Variants in CAST observed in about 807,000 individuals in gnomAD.
The protein encoded by CAST is calpastatin.
Under a neutral mutation model 119.6 loss-of-function variants are expected in CAST, and 76 were observed. The ratio of observed to expected loss-of-function variants is 0.64; its 90% CI spans 0.53 to 0.77. The LOEUF is 0.77. Among genes scored for constraint, CAST ranks in the 30% least tolerant of loss-of-function variants. CAST has a pLI of 0.00. For missense variants in CAST, 953 were observed against 946.5 expected, an observed-to-expected ratio of 1.01 and a Z score of -0.09; for synonymous variants, 319 against 331.6, an observed-to-expected ratio of 0.96 and a Z score of 0.41.
At chr5:96,647,940 A>C (rs1748039374) in intron 1 of CAST, among the ~76,000 whole-genome samples, 1 of 152,238 alleles carries the variant, frequency 6.6e-6, no homozygotes, top group South Asian at 2.1e-4. Flanking sequence ...AAAAGACTCC[A>C]GTTCAAAATG....
the CAST span, among the ~76,000 whole-genome samples, chr5:96,019,754 A>G: frequency 6.6e-6 from 1 of 152,180 alleles, no homozygotes; most frequent in Non-Finnish European, 1.5e-5. Context: ...TTTCTATATA[A>G]TAAGCTTTTG....
the CAST span, among the ~76,000 whole-genome samples, chr5:96,293,554 G>T: frequency 6.6e-6 from 1 of 151,972 alleles, no homozygotes; most frequent in Non-Finnish European, 1.5e-5. Context: ...GGGATTACAG[G>T]CATGAGCCAC....
the CAST span, among the ~76,000 whole-genome samples, chr5:96,493,034 C>T: frequency 6.6e-6 from 1 of 152,144 alleles, no homozygotes; most frequent in Admixed American, 6.5e-5. Context: ...AAGGTCAATA[C>T]AGTAAAGCTA....
At position 96,695,883 on chromosome 5, in the gene CAST, T is replaced by C; in HGVS notation, c.186T>C (p.Ala62=). 6.2e-7 allele frequency: 1 copy of C among 1,613,298 alleles called. No individual in the cohort carries two copies. Among genetic ancestry groups the C allele is most frequent in the Non-Finnish European group, 8.5e-7 (1 of 1,179,478 alleles). The change falls in exon 3 of 32, where the codon GCT becomes GCC. Residue 62 remains alanine (A), a synonymous_variant. Coordinates refer to ENST00000675179, the MANE Select transcript of CAST (RefSeq NM_001750.7). ...LGSSQSSRTY[A]GGTASATKVS... is the part of the protein sequence containing the mutation. The stretch of plus-strand genomic sequence containing the variant: ...GCAGTCAATCCTCCAGAACCTATGC[T>C]GGTGGAACAGCCTCGGCCACCAAGG...
At chr5:96,738,021 A>C (rs1226488182) in intron 11 of CAST, 74 bp downstream of exon 11, 1 of 847,762 alleles carries the variant, frequency 1.2e-6, no homozygotes, top group Non-Finnish European at 2.0e-6. Flanking sequence ...GTCATGAAGT[A>C]CAAAAGAATA....
At chr5:96,738,612 A>G (rs902604841) in intron 11 of CAST, among the ~76,000 whole-genome samples, 1 of 151,906 alleles carries the variant, frequency 6.6e-6, no homozygotes, top group Admixed American at 6.6e-5. Context: ...CCTAATTCCT[A>G]AAATTATATT....
At chr5:96,726,019 A>C (rs1759181185) in intron 4 of CAST, among the ~76,000 whole-genome samples, 1 of 152,226 alleles carries the variant, frequency 6.6e-6, no homozygotes, top group Non-Finnish European at 1.5e-5. Flanking sequence ...AAGACATGAT[A>C]AATTAAGAGG....
the CAST span, among the ~76,000 whole-genome samples, chr5:96,516,959 A>G: frequency 6.6e-6 from 1 of 152,122 alleles, no homozygotes; most frequent in Non-Finnish European, 1.5e-5. Context: ...GTATCAGCCG[A>G]CTGTTTCCAG....
chr5:96,417,121 A>G, the CAST span, among the ~76,000 whole-genome samples: 6 of 152,306 alleles, frequency 3.9e-5, no homozygotes, highest in East Asian at 7.7e-4. Context: ...GGCCAGTTAC[A>G]TTTCAATTCT....
the CAST span, among the ~76,000 whole-genome samples, chr5:96,487,096 A>C: frequency 6.6e-6 from 1 of 152,212 alleles, no homozygotes; most frequent in East Asian, 1.9e-4. Flanking sequence ...ATTGGAGAGC[A>C]TCACTGTAAT....
At chr5:96,015,543 C>G in the CAST span, among the ~76,000 whole-genome samples, 1 of 152,014 alleles carries the variant, frequency 6.6e-6, no homozygotes, top group Non-Finnish European at 1.5e-5. Flanking sequence ...ATACTCCTAT[C>G]ACTCCTGTTT....
the CAST span, among the ~76,000 whole-genome samples, chr5:96,293,584 C>A: frequency 6.7e-6 from 1 of 149,622 alleles, no homozygotes; most frequent in Admixed American, 6.7e-5. Flanking sequence ...CCTCTAGATT[C>A]TTTTGTGTTG....
chr5:96,701,077 A>C (rs1156595090), intron 3 of CAST, among the ~76,000 whole-genome samples: 4 of 152,024 alleles, frequency 2.6e-5, no homozygotes, highest in Non-Finnish European at 4.4e-5. Context: ...ACAGGCAAGC[A>C]CCACCGCACA....
At chr5:96,601,620 A>T (rs988067730) in intron 1 of CAST, among the ~76,000 whole-genome samples, 1 of 152,304 alleles carries the variant, frequency 6.6e-6, no homozygotes, top group South Asian at 2.1e-4. Flanking sequence ...TTATATAAAG[A>T]TATCTCTCCT....
At chr5:96,211,304 T>C in the CAST span, among the ~76,000 whole-genome samples, 2 of 152,104 alleles carry the variant, frequency 1.3e-5, no homozygotes, top group Admixed American at 6.6e-5. Flanking sequence ...TTTAACCAGT[T>C]GAGGAAATTC....
chr5:96,571,323 G>T (rs777856320), intron 1 of CAST, among the ~76,000 whole-genome samples: 20 of 152,118 alleles, frequency 1.3e-4, no homozygotes, highest in Non-Finnish European at 2.5e-4. Flanking sequence ...TAGTCTGATT[G>T]CTCATTAATA....
intron 22 of CAST, 89 bp downstream of exon 22, chr5:96,754,830 A>G (rs1338055499): frequency 2.6e-6 from 2 of 769,478 alleles, no homozygotes; most frequent in Non-Finnish European, 4.5e-6. Flanking sequence ...GAACTGGAAT[A>G]TAAAGATCTT....
the CAST span, among the ~76,000 whole-genome samples, chr5:96,375,908 TATATAA>T: frequency 7.5e-5 from 11 of 146,974 alleles, no homozygotes; most frequent in African/African-American, 2.7e-4. Flanking sequence ...TCTATATATA[TATATAA>T]ATATATAAAT....
At chr5:96,479,190 T>C in the CAST span, among the ~76,000 whole-genome samples, 1 of 152,306 alleles carries the variant, frequency 6.6e-6, no homozygotes, top group East Asian at 1.9e-4. Context: ...ACTTGGACAC[T>C]CATCTCTGTC....
Sources: gnomAD v4.1 joint callset for allele counts (sites outside exome capture counted in the v4.1 genomes callset) on GRCh38, gnomAD v4.1.1 for gene constraint, MANE v1.5 for transcripts, NCBI Gene and HGNC (gene_info 2026-07-23, HGNC 2026-07-21) for gene names.